WWTR1: variants seen among roughly 807,000 people sequenced by gnomAD.
The protein encoded by WWTR1 is WW domain containing transcription regulator 1.
WWTR1 carries 13 observed loss-of-function variants against 40.1 expected under a neutral mutation model. The ratio of observed to expected loss-of-function variants is 0.32; its 90% CI spans 0.21 to 0.52. The LOEUF (loss-of-function observed/expected upper bound fraction) is 0.52, where lower values mean the gene tolerates loss of function less well. Ranked by LOEUF, WWTR1 falls within the 20% of genes least tolerant of loss-of-function variation. The probability of loss-of-function intolerance (pLI) is 0.97; values close to 1 mark genes in which losing one functional copy is unlikely to be tolerated. For missense variants in WWTR1, 436 were observed against 523.1 expected (o/e 0.83, Z 1.63); for synonymous variants, 230 against 210.1 (o/e 1.09, Z -0.82).
chr3:149,564,449 CCA>C (rs1382274717), intron 3 of WWTR1, among the ~76,000 whole-genome samples: 1 of 151,880 alleles, frequency 6.6e-6, no homozygotes, highest in Non-Finnish European at 1.5e-5. Flanking sequence ...TCCTCTTCCA[CCA>C]CAAAAAGCTC....
chr3:149,585,953 T>TA (rs1361517591), intron 2 of WWTR1, among the ~76,000 whole-genome samples: 1 of 152,200 alleles, frequency 6.6e-6, no homozygotes, highest in African/African-American at 2.4e-5. Context: ...AGATTTAGCC[T>TA]AAAAAATGCT....
chr3:149,558,756 A>G (rs1736957205), intron 3 of WWTR1, among the ~76,000 whole-genome samples: 1 of 152,194 alleles, frequency 6.6e-6, no homozygotes, highest in African/African-American at 2.4e-5. Flanking sequence ...TGGCCTATAT[A>G]TTCCTCAAAA....
intron 5 of WWTR1, among the ~76,000 whole-genome samples, chr3:149,716,257 G>T (rs1359493146): frequency 6.6e-6 from 1 of 151,906 alleles, no homozygotes; most frequent in Non-Finnish European, 1.5e-5. Context: ...GTGGCACACA[G>T]CTGTAATCCC....
intron 4 of WWTR1, among the ~76,000 whole-genome samples, chr3:149,723,191 T>C (rs1008132449): frequency 7.0e-6 from 1 of 143,176 alleles, no homozygotes; most frequent in Non-Finnish European, 1.5e-5. Flanking sequence ...TTTTCTTTTT[T>C]TTTTTTTTTT....
chr3:149,705,979 T>C (rs1276894625), upstream of WWTR1, among the ~76,000 whole-genome samples: 1 of 152,022 alleles, frequency 6.6e-6, no homozygotes, highest in East Asian at 1.9e-4. Context: ...ATTGCTTGAG[T>C]CCAGGAGTTT....
upstream of WWTR1, among the ~76,000 whole-genome samples, chr3:149,707,387 A>T (rs2108228365): frequency 6.6e-6 from 1 of 152,340 alleles, no homozygotes; most frequent in African/African-American, 2.4e-5. Context: ...GTGACTTAAT[A>T]GGGACACATT....
chr3:149,583,497 C>G (rs1738253463), intron 2 of WWTR1, among the ~76,000 whole-genome samples: 1 of 152,198 alleles, frequency 6.6e-6, no homozygotes, highest in Non-Finnish European at 1.5e-5. Context: ...CCACCTTGCT[C>G]TGCTCCCCAA....
intron 2 of WWTR1, among the ~76,000 whole-genome samples, chr3:149,594,446 TTTAAGAAA>T (rs1168118366): frequency 6.6e-6 from 1 of 152,206 alleles, no homozygotes; most frequent in Admixed American, 6.5e-5. Context: ...TAAATAATAT[TTTAAGAAA>T]TTATTGCTTC....
At chr3:149,706,906 C>T (rs952687982), upstream of WWTR1, among the ~76,000 whole-genome samples, 12 of 152,092 alleles carry the variant, frequency 7.9e-5, no homozygotes, top group Non-Finnish European at 4.4e-5. Flanking sequence ...GGTATTAGTG[C>T]CAAAACTACA....
intron 3 of WWTR1, among the ~76,000 whole-genome samples, chr3:149,572,069 T>G (rs74476960): frequency 0.077 from 11,709 of 152,084 alleles, 1,023 homozygotes; most frequent in East Asian, 0.46. Context: ...ACGGCAGGTA[T>G]GGGGAGAAGC....
intron 6 of WWTR1, among the ~76,000 whole-genome samples, chr3:149,522,216 AG>A (rs1434307085): frequency 6.6e-6 from 1 of 152,228 alleles, no homozygotes; most frequent in Non-Finnish European, 1.5e-5. Flanking sequence ...TTACAAGTGC[AG>A]TAGCCTTCCT....
At chr3:149,576,700 A>G (rs570613035) in intron 2 of WWTR1, among the ~76,000 whole-genome samples, 37 of 152,354 alleles carry the variant, frequency 2.4e-4, no homozygotes, top group African/African-American at 8.7e-4. Context: ...AGGAAAAAGA[A>G]ACATATCAAA....
chr3:149,601,533 T>C (rs1193917862), intron 2 of WWTR1, among the ~76,000 whole-genome samples: 1 of 152,112 alleles, frequency 6.6e-6, no homozygotes, highest in Non-Finnish European at 1.5e-5. Context: ...CACCCAAAAA[T>C]GCCCAGGCAT....
chr3:149,630,273 G>C (rs1439868487), intron 2 of WWTR1, among the ~76,000 whole-genome samples: 3 of 152,100 alleles, frequency 2.0e-5, no homozygotes, highest in Non-Finnish European at 4.4e-5. Flanking sequence ...ATAATTATAA[G>C]AGTGTTAGTC....
At chr3:149,580,159 T>A (rs1738074953) in intron 2 of WWTR1, among the ~76,000 whole-genome samples, 1 of 152,232 alleles carries the variant, frequency 6.6e-6, no homozygotes. Flanking sequence ...AAATTAAACA[T>A]TCTATTAGTG....
chr3:149,668,835 T>A (rs35298774), intron 2 of WWTR1, among the ~76,000 whole-genome samples: 30,116 of 151,960 alleles, frequency 0.2, 3,236 homozygotes, highest in Admixed American at 0.3. Context: ...TGGTTTCAAA[T>A]TTTTTTTCAT....
At chr3:149,699,367 C>T (rs1715097139) in intron 1 of WWTR1, among the ~76,000 whole-genome samples, 1 of 144,680 alleles carries the variant, frequency 6.9e-6, no homozygotes, top group African/African-American at 2.6e-5. Flanking sequence ...GATCTTGGTT[C>T]ACCGCAACCT....
intron 1 of WWTR1, among the ~76,000 whole-genome samples, chr3:149,675,406 G>A (rs4681187): frequency 0.37 from 56,258 of 152,010 alleles, 10,790 homozygotes; most frequent in Middle Eastern, 0.55. Flanking sequence ...TAGATCTCTG[G>A]CAGCCATTTT....
At chr3:149,685,808 T>A (rs1714628568) in intron 1 of WWTR1, among the ~76,000 whole-genome samples, 1 of 152,202 alleles carries the variant, frequency 6.6e-6, no homozygotes, top group Admixed American at 6.5e-5. Flanking sequence ...AATTCCAGTT[T>A]GTAAATTTAC....
Sources: allele counts gnomAD v4.1 joint callset (sites outside exome capture counted in the v4.1 genomes callset), GRCh38; gene constraint gnomAD v4.1.1; transcripts MANE v1.5; gene names NCBI Gene and HGNC (gene_info 2026-07-23, HGNC 2026-07-21).